KCMF1: variants seen among roughly 807,000 people sequenced by gnomAD.
The protein encoded by KCMF1 is potassium channel modulatory factor 1.
In KCMF1, 3 loss-of-function variants were observed where a neutral mutation model predicts 41.1. The observed-to-expected ratio is 0.07, with a 90% CI of 0.03 to 0.19. The LOEUF is 0.19. Ranked by LOEUF, KCMF1 falls within the 10% of genes least tolerant of loss-of-function variation. The pLI is 1.00. For missense variants in KCMF1, 286 were observed against 488.9 expected (o/e 0.58, Z 3.91); for synonymous variants, 142 against 164.5 (o/e 0.86, Z 1.04).
chr2:85,027,132 G>C (rs989267054), intron 1 of KCMF1, among the ~76,000 whole-genome samples: 24 of 152,040 alleles, frequency 1.6e-4, no homozygotes, highest in Admixed American at 6.6e-5. Context: ...AATCCCCTAG[G>C]GAGGATTTCT....
chr2:84,972,297 A>G (rs13007240), intron 1 of KCMF1: 2 of 152,314 alleles, frequency 1.3e-5, no homozygotes, highest in Admixed American at 6.5e-5. Flanking sequence ...ATTTTAAAAC[A>G]CGATTGGAGT....
chr2:85,026,492 A>ATTATTATTATTT (rs146823537), intron 1 of KCMF1, among the ~76,000 whole-genome samples: 1,476 of 143,064 alleles, frequency 0.01, 6 homozygotes, highest in South Asian at 0.013. Flanking sequence ...TATTATTATT[A>ATTATTATTATTT]TTATTTTTAT....
chr2:84,980,449 A>G (rs1176035619), intron 1 of KCMF1, among the ~76,000 whole-genome samples: 2 of 152,170 alleles, frequency 1.3e-5, no homozygotes, highest in East Asian at 1.9e-4. Flanking sequence ...TGAAATGAAC[A>G]AGAGATGAAT....
intron 1 of KCMF1, among the ~76,000 whole-genome samples, chr2:85,003,620 G>T (rs1435605700): frequency 6.6e-6 from 1 of 151,412 alleles, no homozygotes; most frequent in South Asian, 2.1e-4. Flanking sequence ...TTAATTTTTT[G>T]TTTGTTTGTT....
chr2:84,993,231 CAAAA>C (rs1372336074), intron 1 of KCMF1, among the ~76,000 whole-genome samples: 3 of 150,040 alleles, frequency 2.0e-5, no homozygotes, highest in Non-Finnish European at 4.5e-5. Context: ...CAAAACAAAA[CAAAA>C]AAACCAAAGA....
chr2:85,004,275 GC>G (rs1368465152), intron 1 of KCMF1, among the ~76,000 whole-genome samples: 4 of 152,122 alleles, frequency 2.6e-5, no homozygotes, highest in Non-Finnish European at 5.9e-5. Context: ...ACTTTGGGAG[GC>G]CAAGGCGGGC....
chr2:85,000,746 A>G (rs980018954), intron 1 of KCMF1, among the ~76,000 whole-genome samples: 1 of 150,724 alleles, frequency 6.6e-6, no homozygotes, highest in Admixed American at 6.6e-5. Flanking sequence ...AAAAAATTGA[A>G]TTAGGTATTA....
At position 85,006,295 on chromosome 2, in the gene KCMF1, C is replaced by CTTTTTTTT. The variant is rs1163405427; in HGVS notation, c.17-21578_17-21571dup. Among the ~76,000 whole-genome samples the CTTTTTTTT allele has an allele frequency of 5.8e-3, 549 of 94,234 alleles. 9 individuals carry two copies. The highest frequency in any genetic ancestry group is 0.019 in the East Asian group (53 of 2,790). The allele number at this position is 94,234 out of a possible 152,430, so 61.8% of individuals were successfully genotyped here. On this transcript the variant is annotated intron_variant, in intron 1 of 6. Coordinates refer to ENST00000409785, the MANE Select transcript of KCMF1 (RefSeq NM_020122.5). ...CTTACCCACTAAATATTCTCATTTT[C>CTTTTTTTT]TTTTTTTTTTTTTTTTTTTTTTTGA...
intron 1 of KCMF1, among the ~76,000 whole-genome samples, chr2:84,992,094 C>G (rs1024867601): frequency 6.6e-6 from 1 of 152,142 alleles, no homozygotes; most frequent in African/African-American, 2.4e-5. Flanking sequence ...CAAACCCCAG[C>G]CTGGTCACTT....
chr2:85,026,369 T>C (rs1420434376), intron 1 of KCMF1, among the ~76,000 whole-genome samples: 1 of 151,514 alleles, frequency 6.6e-6, no homozygotes, highest in Non-Finnish European at 1.5e-5. Flanking sequence ...ACTCCTGGCC[T>C]CAAGCAGCCC....
chr2:85,044,040 C>T (rs547022881), intron 4 of KCMF1, among the ~76,000 whole-genome samples: 3 of 152,254 alleles, frequency 2.0e-5, no homozygotes, highest in African/African-American at 7.2e-5. Context: ...TGTCCTTCAT[C>T]TTTAGTTCAT....
intron 1 of KCMF1, among the ~76,000 whole-genome samples, chr2:85,008,291 T>TC (rs1553379312): frequency 0.013 from 193 of 14,534 alleles, no homozygotes; most frequent in South Asian, 0.029. Flanking sequence ...TGATATATAA[T>TC]ATATATAATA....
chr2:84,993,878 C>T (rs184521505), intron 1 of KCMF1, among the ~76,000 whole-genome samples: 3 of 148,620 alleles, frequency 2.0e-5, no homozygotes, highest in African/African-American at 5.0e-5. Flanking sequence ...GCTTGACCTA[C>T]CCCCCATTTT....
At chr2:85,034,736 C>T (rs768884037) in intron 2 of KCMF1, among the ~76,000 whole-genome samples, 3 of 152,202 alleles carry the variant, frequency 2.0e-5, no homozygotes, top group Admixed American at 6.5e-5. Flanking sequence ...ATTCTCCTGG[C>T]TCAGCCTCCG....
At chr2:84,988,465 T>C (rs1392998184) in intron 1 of KCMF1, among the ~76,000 whole-genome samples, 1 of 152,212 alleles carries the variant, frequency 6.6e-6, no homozygotes, top group Non-Finnish European at 1.5e-5. Context: ...AGGAAATTAA[T>C]GCACTGAGAA....
intron 3 of KCMF1, among the ~76,000 whole-genome samples, chr2:85,035,917 T>C (rs991940485): frequency 2.6e-5 from 4 of 152,206 alleles, no homozygotes; most frequent in African/African-American, 9.7e-5. Flanking sequence ...AATTGCATAT[T>C]GCATCAACTA....
intron 1 of KCMF1, among the ~76,000 whole-genome samples, chr2:84,991,606 G>A (rs1452459605): frequency 6.6e-6 from 1 of 152,184 alleles, no homozygotes; most frequent in African/African-American, 2.4e-5. Context: ...CAGTGAGACA[G>A]GTCCAGGCCT....
chr2:85,020,616 CTG>C (rs1674908569), intron 1 of KCMF1, among the ~76,000 whole-genome samples: 1 of 151,986 alleles, frequency 6.6e-6, no homozygotes, highest in Non-Finnish European at 1.5e-5. Flanking sequence ...TTTGTAGAAA[CTG>C]GGTTTCTCCA....
At chr2:85,026,841 C>T (rs947586274) in intron 1 of KCMF1, among the ~76,000 whole-genome samples, 1 of 152,200 alleles carries the variant, frequency 6.6e-6, no homozygotes, top group Non-Finnish European at 1.5e-5. Context: ...GATATGAACT[C>T]ATGACTGATT....
Sources: allele counts gnomAD v4.1 joint callset (sites outside exome capture counted in the v4.1 genomes callset), GRCh38; gene constraint gnomAD v4.1.1; transcripts MANE v1.5; gene names NCBI Gene and HGNC (gene_info 2026-07-23, HGNC 2026-07-21).